Variants in CHRM3 observed in about 807,000 individuals in gnomAD.
CHRM3 encodes the protein cholinergic receptor muscarinic 3.
Under a neutral mutation model 41.8 loss-of-function variants are expected in CHRM3, and 11 were observed. That is an observed-to-expected ratio of 0.26 (90% confidence interval 0.17 to 0.44). The LOEUF is 0.44. CHRM3 is among the 20% of genes least tolerant of loss of function. CHRM3 has a pLI of 1.00. For synonymous variants in CHRM3, 297 were observed against 301.4 expected (o/e 0.99, Z 0.15); for missense variants, 571 against 745.4 (o/e 0.77, Z 2.72).
chr1:239,637,517 CTTTTTTT>C (rs149963225), intron 4 of CHRM3, among the ~76,000 whole-genome samples: 1 of 48,514 alleles, frequency 2.1e-5, no homozygotes, highest in Non-Finnish European at 3.5e-5. Flanking sequence ...TCATCAAAGT[CTTTTTTT>C]TTTTTTTTTT....
intron 3 of CHRM3, among the ~76,000 whole-genome samples, chr1:239,629,753 TA>T: frequency 6.6e-6 from 1 of 152,328 alleles, no homozygotes; most frequent in South Asian, 2.1e-4. Flanking sequence ...ATGGACATCA[TA>T]AATCAGAGTA....
intron 4 of CHRM3, among the ~76,000 whole-genome samples, chr1:239,669,565 G>T (rs567030817): frequency 6.6e-6 from 1 of 152,008 alleles, no homozygotes; most frequent in African/African-American, 2.4e-5. Context: ...TGACCTACAC[G>T]TGTCACCCAA....
At chr1:239,607,048 G>A (rs1217253067) in intron 3 of CHRM3, among the ~76,000 whole-genome samples, 3 of 152,124 alleles carry the variant, frequency 2.0e-5, no homozygotes, top group Non-Finnish European at 2.9e-5. Flanking sequence ...TTAAGTGAAA[G>A]TCACTTAATT....
At chr1:239,591,607 A>G (rs983687725) in intron 3 of CHRM3, among the ~76,000 whole-genome samples, 3 of 139,666 alleles carry the variant, frequency 2.1e-5, no homozygotes, top group Admixed American at 1.5e-4. Context: ...CTTGGAGATG[A>G]AAAAAAAAAA....
intron 6 of CHRM3, among the ~76,000 whole-genome samples, chr1:239,883,895 A>G (rs1296399288): frequency 1.3e-5 from 2 of 152,228 alleles, no homozygotes; most frequent in African/African-American, 4.8e-5. Context: ...GTATTTTTGA[A>G]AGAGCATCTC....
At chr1:239,811,838 G>A (rs1671141943) in intron 5 of CHRM3, among the ~76,000 whole-genome samples, 1 of 151,894 alleles carries the variant, frequency 6.6e-6, no homozygotes, top group African/African-American at 2.4e-5. Flanking sequence ...GTTTGAGGAT[G>A]TTTTAAAGCC....
intron 1 of CHRM3, among the ~76,000 whole-genome samples, chr1:239,472,018 T>G (rs77933864): frequency 0.031 from 4,786 of 152,256 alleles, 176 homozygotes; most frequent in African/African-American, 0.087. Flanking sequence ...ACTCCAATAC[T>G]CTGAGAGTAA....
chr1:239,790,109 T>A (rs888585645), intron 5 of CHRM3, among the ~76,000 whole-genome samples: 1 of 152,142 alleles, frequency 6.6e-6, no homozygotes, highest in Non-Finnish European at 1.5e-5. Flanking sequence ...ATCTAGGAAG[T>A]AACTAACTTG....
At chr1:239,899,003 G>T (rs1679250348) in intron 6 of CHRM3, among the ~76,000 whole-genome samples, 1 of 151,656 alleles carries the variant, frequency 6.6e-6, no homozygotes, top group Non-Finnish European at 1.5e-5. Context: ...CACATTTTTT[G>T]TTTCACCCTC....
Position 239,914,788 on chromosome 1 carries a change from G to A in CHRM3, c.*5564G>A, listed in dbSNP as rs1680557118. ...TTTGGCTTAAAAATCCTTGCATGTAGTTTTGCTTGGCGTGGAAAGTTATTA... is the reference window on the plus strand; with the variant it reads ...TTTGGCTTAAAAATCCTTGCATGTAATTTTGCTTGGCGTGGAAAGTTATTA... On this transcript the variant is annotated 3_prime_UTR_variant, in exon 7 of 7. Coordinates refer to ENST00000676153, the MANE Select transcript of CHRM3 (RefSeq NM_001375978.1). 6.0e-6 allele frequency: 1 copy of A among 166,894 alleles called. No homozygotes were observed. The highest frequency in any genetic ancestry group is 1.5e-5 in the Non-Finnish European group (1 of 68,110). The allele number at this position is 166,894 out of a possible 1,614,324, so 10.3% of individuals were successfully genotyped here. A position where few individuals can be genotyped will look rare whatever the true frequency, so the allele number is the denominator to read the frequency against.
intron 5 of CHRM3, among the ~76,000 whole-genome samples, chr1:239,759,279 G>T: frequency 7.4e-6 from 1 of 135,504 alleles, no homozygotes; most frequent in African/African-American, 2.8e-5. Context: ...ACACACCTTT[G>T]GCTGAATTTT....
chr1:239,713,184 A>C (rs1311203258), intron 5 of CHRM3, among the ~76,000 whole-genome samples: 2 of 152,212 alleles, frequency 1.3e-5, no homozygotes, highest in Non-Finnish European at 2.9e-5. Flanking sequence ...GCTGAGCAAA[A>C]TAAAGTGAAT....
chr1:239,756,907 A>G (rs867038760), intron 5 of CHRM3, among the ~76,000 whole-genome samples: 2 of 152,106 alleles, frequency 1.3e-5, no homozygotes, highest in Non-Finnish European at 2.9e-5. Context: ...TTTTTATTTA[A>G]TTTATCAGGG....
At chr1:239,766,672 T>TACATAG (rs1553385030) in intron 5 of CHRM3, among the ~76,000 whole-genome samples, 2 of 145,562 alleles carry the variant, frequency 1.4e-5, no homozygotes, top group African/African-American at 5.4e-5. Flanking sequence ...TGGATATAGA[T>TACATAG]ATATAGATAT....
At chr1:239,692,798 C>A (rs1433880943) in intron 5 of CHRM3, among the ~76,000 whole-genome samples, 1 of 152,162 alleles carries the variant, frequency 6.6e-6, no homozygotes, top group African/African-American at 2.4e-5. Context: ...AGTAAGGGAA[C>A]AGTTTCTCCA....
chr1:239,684,690 G>GGA lies in CHRM3; in HGVS notation c.-147+6420_-147+6421dup, dbSNP rs573080024. ...AGAAAGAAAAAAAGGAAGGAAGGAA[G>GGA]GAGAGAGAGAGAGAGAGAGGAAAGA... On this transcript the variant is annotated intron_variant, in intron 5 of 6. Transcript: ENST00000676153. 5.9e-3 allele frequency among the ~76,000 whole-genome samples: 709 copies of GGA among 119,184 alleles called. 10 individuals carry two copies. Among genetic ancestry groups the GGA allele is most frequent in the African/African-American group, 0.02 (649 of 31,766 alleles). The allele number at this position is 119,184 out of a possible 152,430, so 78.2% of individuals were successfully genotyped here. A position where few individuals can be genotyped will look rare whatever the true frequency, so the allele number is the denominator to read the frequency against.
chr1:239,488,016 G>A (rs74781870), intron 1 of CHRM3, among the ~76,000 whole-genome samples: 2,161 of 152,220 alleles, frequency 0.014, 42 homozygotes, highest in African/African-American at 0.05. Context: ...CAATAAAGAC[G>A]TGAATATTAA....
intron 2 of CHRM3, among the ~76,000 whole-genome samples, chr1:239,502,388 A>G (rs1668295991): frequency 6.6e-6 from 1 of 152,164 alleles, no homozygotes; most frequent in South Asian, 2.1e-4. Flanking sequence ...TTCAGGAAGA[A>G]TTAGATACTC....
chr1:239,561,503 C>A (rs1180414428), intron 3 of CHRM3, among the ~76,000 whole-genome samples: 1 of 152,132 alleles, frequency 6.6e-6, no homozygotes, highest in East Asian at 1.9e-4. Flanking sequence ...CTCTTAGCAG[C>A]TTCCTGCCTA....
Sources: allele counts gnomAD v4.1 joint callset (sites outside exome capture counted in the v4.1 genomes callset), GRCh38; gene constraint gnomAD v4.1.1; transcripts MANE v1.5; gene names NCBI Gene and HGNC (gene_info 2026-07-23, HGNC 2026-07-21).